Variants in NIBAN1 observed in about 807,000 individuals in gnomAD.
The protein encoded by NIBAN1 is protein Niban 1.
In NIBAN1, 81 loss-of-function variants were observed where a neutral mutation model predicts 75.1. The observed-to-expected ratio is 1.08, with a 90% CI of 0.90 to 1.30. The LOEUF (loss-of-function observed/expected upper bound fraction) is 1.30, where lower values mean the gene tolerates loss of function less well. Among genes scored for constraint, NIBAN1 ranks in the 50% most tolerant of loss-of-function variants. NIBAN1 has a pLI of 0.00. For synonymous variants in NIBAN1, 436 were observed against 424.8 expected, an observed-to-expected ratio of 1.03 and a Z score of -0.32; for missense variants, 1,133 against 1,128.1, an observed-to-expected ratio of 1.00 and a Z score of -0.06.
Position 184,803,664 on chromosome 1 carries a change from C to T in NIBAN1, c.1475G>A (p.Arg492Gln), listed in dbSNP as rs756094383. 2 of 1,614,156 alleles carry T rather than the reference C, an allele frequency of 1.2e-6. No homozygotes were observed. Among genetic ancestry groups the T allele is most frequent in the Admixed American group, 1.7e-5 (1 of 60,028 alleles). ...KQYDYDSSTI[R>Q]KKIFQEALVQ... ...TAGTGCCTCTTGAAATATCTTCTTTCGGATGGTGCTGCTGTCATAATCATA... is the reference window on the plus strand; with the variant it reads ...TAGTGCCTCTTGAAATATCTTCTTTTGGATGGTGCTGCTGTCATAATCATA... Residue 492 changes from arginine (R) to glutamine (Q), a missense_variant, in exon 12 of 14, where the codon CGA becomes CAA. Transcript: ENST00000367511.
Position 184,974,313 on chromosome 1 carries a change from G to T in NIBAN1, c.44C>A (p.Ala15Asp). The T allele has an allele frequency of 6.4e-7, 1 of 1,566,648 alleles. No homozygotes were observed. Among genetic ancestry groups the T allele is most frequent in the Non-Finnish European group, 8.6e-7 (1 of 1,163,350 alleles). The change falls in exon 1 of 14, where the codon GCT becomes GAT. Residue 15 changes from alanine to aspartate, a missense_variant. Physicochemically the swap from Ala to Asp is moderately radical, Grantham distance 126 (BLOSUM62 -2). Coordinates refer to ENST00000367511, the MANE Select transcript of NIBAN1 (RefSeq NM_052966.4). ...ASSQLDEGKC[A>D]YIRGKTEAAI... ...GCGGGCGGGCGTACCTCGGATGTAA[G>T]CGCACTTGCCCTCGTCCAGCTGGCT...
At chr1:184,888,065 T>G (rs1052219151) in intron 4 of NIBAN1, 1 of 152,264 alleles carries the variant, frequency 6.6e-6, no homozygotes, top group Non-Finnish European at 1.5e-5. Flanking sequence ...GGCATGTAGC[T>G]GTGGTCCCAG....
intron 6 of NIBAN1, among the ~76,000 whole-genome samples, chr1:184,831,586 T>C (rs1299502637): frequency 6.6e-6 from 1 of 152,192 alleles, no homozygotes; most frequent in African/African-American, 2.4e-5. Flanking sequence ...ATTCTTTTCA[T>C]AGAAAACAGT....
chr1:184,807,929 C>G, intron 10 of NIBAN1, 145 bp downstream of exon 10: 1 of 838,532 alleles, frequency 1.2e-6, no homozygotes, highest in East Asian at 2.5e-5. Flanking sequence ...AGTGGAGGGA[C>G]AGAACGTGTC....
chr1:184,894,136 C>T lies in NIBAN1; in HGVS notation c.257G>A (p.Trp86Ter), dbSNP rs1406913256. The T allele has an allele frequency of 4.5e-5, 72 of 1,612,766 alleles. No homozygotes were observed. The highest frequency in any genetic ancestry group is 6.1e-5 in the Non-Finnish European group (72 of 1,179,478). ...LSQFSEDIKK[W>*]KERYVVVKND... ...TTTAACTACAACGTATCTCTCCTTC[C>T]ACTTCTTTATGTCTTCAGAAAATTG... Residue 86 changes from tryptophan (W) to a stop codon, truncating the protein, a stop_gained, in exon 3 of 14, where the codon TGG (tryptophan) becomes TAG (stop). Coordinates refer to ENST00000367511, the MANE Select transcript of NIBAN1 (RefSeq NM_052966.4). LOFTEE classifies it high-confidence loss of function.
intron 5 of NIBAN1, among the ~76,000 whole-genome samples, chr1:184,868,843 G>A (rs986435621): frequency 1.3e-5 from 2 of 152,158 alleles, no homozygotes; most frequent in Non-Finnish European, 2.9e-5. Flanking sequence ...CGGGCTTGAA[G>A]TCGGCCTGCT....
intron 1 of NIBAN1, among the ~76,000 whole-genome samples, chr1:184,944,672 G>T (rs1658178891): frequency 2.0e-5 from 3 of 152,188 alleles, no homozygotes; most frequent in Non-Finnish European, 4.4e-5. Context: ...CATGAAACCA[G>T]TTGTCATAAA....
chr1:184,840,965 G>GTA (rs1350169152), intron 5 of NIBAN1, among the ~76,000 whole-genome samples: 3 of 151,432 alleles, frequency 2.0e-5, no homozygotes, highest in Admixed American at 6.6e-5. Context: ...GAGTGTGTGT[G>GTA]TGTGTGTGTG....
At chr1:184,804,802 T>C (rs1002224905) in intron 11 of NIBAN1, among the ~76,000 whole-genome samples, 1 of 151,974 alleles carries the variant, frequency 6.6e-6, no homozygotes, top group Admixed American at 6.6e-5. Context: ...GTTTTTTGTT[T>C]TTTGAGATAG....
intron 1 of NIBAN1, among the ~76,000 whole-genome samples, chr1:184,963,098 T>C (rs1418642894): frequency 6.6e-6 from 1 of 152,094 alleles, no homozygotes; most frequent in Non-Finnish European, 1.5e-5. Context: ...AAATTCCATG[T>C]AATAGAAAAA....
chr1:184,928,244 A>G (rs1657731566), intron 1 of NIBAN1, among the ~76,000 whole-genome samples: 1 of 151,934 alleles, frequency 6.6e-6, no homozygotes, highest in South Asian at 2.1e-4. Context: ...AGTCCTCTTT[A>G]CTCTTCCCTC....
At chr1:184,970,277 A>G (rs956360949) in intron 1 of NIBAN1, among the ~76,000 whole-genome samples, 1 of 152,042 alleles carries the variant, frequency 6.6e-6, no homozygotes, top group Non-Finnish European at 1.5e-5. Flanking sequence ...GTATATTGCC[A>G]TTACTAGCCA....
At chr1:184,944,790 A>G (rs1318131750) in intron 1 of NIBAN1, among the ~76,000 whole-genome samples, 1 of 152,244 alleles carries the variant, frequency 6.6e-6, no homozygotes, top group Non-Finnish European at 1.5e-5. Context: ...AGGGTCTTTT[A>G]GTTGTATAGG....
At chr1:184,818,423 C>T (rs1453621896) in intron 9 of NIBAN1, among the ~76,000 whole-genome samples, 1 of 151,852 alleles carries the variant, frequency 6.6e-6, no homozygotes, top group South Asian at 2.1e-4. Context: ...AACTTGAAAA[C>T]CATCAGTAAA....
intron 13 of NIBAN1, among the ~76,000 whole-genome samples, chr1:184,797,527 G>T (rs966720100): frequency 2.7e-5 from 4 of 149,168 alleles, no homozygotes; most frequent in African/African-American, 9.9e-5. Context: ...GGATGCCGGA[G>T]TCCCACCGAG....
At chr1:184,891,331 C>G (rs1402124063) in intron 3 of NIBAN1, among the ~76,000 whole-genome samples, 1 of 152,058 alleles carries the variant, frequency 6.6e-6, no homozygotes, top group African/African-American at 2.4e-5. Context: ...ATTGAGGGCT[C>G]CCCATGAAAT....
intron 5 of NIBAN1, among the ~76,000 whole-genome samples, chr1:184,878,199 C>T (rs1463202874): frequency 6.6e-6 from 1 of 152,156 alleles, no homozygotes; most frequent in Non-Finnish European, 1.5e-5. Flanking sequence ...TGGGGAGAAA[C>T]ACTGAATGGC....
At chr1:184,960,243 C>T (rs1410116038) in intron 1 of NIBAN1, among the ~76,000 whole-genome samples, 2 of 152,080 alleles carry the variant, frequency 1.3e-5, no homozygotes, top group Non-Finnish European at 2.9e-5. Flanking sequence ...AATTTTAGAT[C>T]TTAGAATTTA....
At chr1:184,944,165 T>C (rs2102053869) in intron 1 of NIBAN1, among the ~76,000 whole-genome samples, 1 of 152,310 alleles carries the variant, frequency 6.6e-6, no homozygotes, top group South Asian at 2.1e-4. Flanking sequence ...GGATGGATGA[T>C]GGTCACCACT....
Sources: allele counts gnomAD v4.1 joint callset (sites outside exome capture counted in the v4.1 genomes callset), GRCh38; gene constraint gnomAD v4.1.1; transcripts MANE v1.5; gene names NCBI Gene and HGNC (gene_info 2026-07-23, HGNC 2026-07-21).